Variants in POU6F2 observed in about 807,000 individuals in gnomAD.
The protein encoded by POU6F2 is POU domain, class 6, transcription factor 2.
In POU6F2, 31 loss-of-function variants were observed where a neutral mutation model predicts 71.3. That is an observed-to-expected ratio of 0.43 (90% CI 0.33 to 0.59). POU6F2 has a LOEUF of 0.59. Among genes scored for constraint, POU6F2 ranks in the 20% least tolerant of loss-of-function variants. The probability of loss-of-function intolerance (pLI) is 0.04; values close to 1 mark genes in which losing one functional copy is unlikely to be tolerated. For missense variants in POU6F2, 783 were observed against 856.8 expected, an observed-to-expected ratio of 0.91 and a Z score of 1.07; for synonymous variants, 347 against 355.7, an observed-to-expected ratio of 0.98 and a Z score of 0.27.
intron 4 of POU6F2, among the ~76,000 whole-genome samples, chr7:39,323,624 T>C (rs1201219843): frequency 6.6e-6 from 1 of 152,212 alleles, no homozygotes; most frequent in Non-Finnish European, 1.5e-5. Flanking sequence ...CTGAGCACTA[T>C]GGTTTAATTC....
chr7:38,985,314 T>G (rs2116603432), intron 1 of POU6F2, among the ~76,000 whole-genome samples: 1 of 152,226 alleles, frequency 6.6e-6, no homozygotes, highest in Non-Finnish European at 1.5e-5. Flanking sequence ...AAATGCTGCT[T>G]AATGGGCACA....
chr7:39,373,535 A>G, intron 5 of POU6F2: 1 of 456,706 alleles, frequency 2.2e-6, no homozygotes, highest in Non-Finnish European at 4.4e-6. Flanking sequence ...AGAATTTGGT[A>G]CTTCACTTCA....
intron 2 of POU6F2, among the ~76,000 whole-genome samples, chr7:39,126,319 G>A (rs1792137050): frequency 6.6e-6 from 1 of 152,234 alleles, no homozygotes; most frequent in African/African-American, 2.4e-5. Context: ...GCCACCACTT[G>A]GAGGGCAGGG....
intron 1 of POU6F2, among the ~76,000 whole-genome samples, chr7:39,005,484 C>CTGTGTGAGTGTGTGTGTGTGTGTG (rs1789033996): frequency 7.9e-6 from 1 of 126,610 alleles, no homozygotes; most frequent in Non-Finnish European, 1.7e-5. Context: ...AGGGAGAAAC[C>CTGTGTGAGTGTGTGTGTGTGTGTG]TGTGTGTGTG....
At chr7:39,188,509 C>T (rs919279259) in intron 2 of POU6F2, among the ~76,000 whole-genome samples, 7 of 152,098 alleles carry the variant, frequency 4.6e-5, no homozygotes, top group African/African-American at 1.7e-4. Flanking sequence ...AACAGGGTTT[C>T]GCCATGTTGC....
intron 4 of POU6F2, among the ~76,000 whole-genome samples, chr7:39,219,774 C>T (rs1481077604): frequency 6.6e-6 from 1 of 152,008 alleles, no homozygotes; most frequent in Non-Finnish European, 1.5e-5. Context: ...TTAGGATTAG[C>T]GCAAATATAC....
chr7:39,128,378 C>T (rs1401623903), intron 2 of POU6F2, among the ~76,000 whole-genome samples: 1 of 152,112 alleles, frequency 6.6e-6, no homozygotes, highest in East Asian at 1.9e-4. Context: ...ATCTGCCTCC[C>T]AAATGTACAG....
intron 1 of POU6F2, among the ~76,000 whole-genome samples, chr7:39,019,649 C>CTTT (rs70977448): frequency 7.3e-6 from 1 of 137,796 alleles, no homozygotes; most frequent in African/African-American, 2.7e-5. Flanking sequence ...TTTCTTTTTT[C>CTTT]TTTTTTTTTT....
intron 4 of POU6F2, among the ~76,000 whole-genome samples, chr7:39,297,173 G>A (rs1480900379): frequency 7.6e-6 from 1 of 132,400 alleles, no homozygotes; most frequent in East Asian, 2.1e-4. Flanking sequence ...TTTAATAGGG[G>A]TGTTTACAAA....
At chr7:39,355,569 G>C (rs1301809179) in intron 5 of POU6F2, among the ~76,000 whole-genome samples, 1 of 152,030 alleles carries the variant, frequency 6.6e-6, no homozygotes, top group African/African-American at 2.4e-5. Flanking sequence ...CCAGGAAGCA[G>C]GTATATCAGT....
intron 2 of POU6F2, among the ~76,000 whole-genome samples, chr7:39,169,092 A>G (rs1012541138): frequency 2.6e-5 from 4 of 152,218 alleles, no homozygotes; most frequent in African/African-American, 7.2e-5. Flanking sequence ...ATAGTATTCT[A>G]TGACAAATTC....
intron 7 of POU6F2, among the ~76,000 whole-genome samples, chr7:39,437,037 G>A (rs1050746110): frequency 6.6e-6 from 1 of 152,152 alleles, no homozygotes; most frequent in Non-Finnish European, 1.5e-5. Flanking sequence ...ATTTTATTGA[G>A]GATTTTTGCA....
intron 2 of POU6F2, among the ~76,000 whole-genome samples, 177 bp from the exon 3 acceptor site, chr7:39,204,057 CT>C (rs1793958619): frequency 6.6e-6 from 1 of 152,158 alleles, no homozygotes; most frequent in Admixed American, 6.5e-5. Flanking sequence ...TCTTCTACCT[CT>C]TGATGAACTT....
intron 2 of POU6F2, among the ~76,000 whole-genome samples, chr7:39,124,182 G>A (rs573922356): frequency 6.6e-6 from 1 of 152,072 alleles, no homozygotes. Context: ...GAGTAGCTGG[G>A]ATTACAGGCG....
In POU6F2 at chr7:39,125,956, A is replaced by T. The variant is rs139429538; in HGVS notation, c.277+39925A>T. ...AATTCCTTAAGGACCAAAGACTCCC[A>T]CTGGTTCCAATCTCCTGAATGGTGC... On this transcript the variant is annotated intron_variant, in intron 2 of 9. Transcript: ENST00000518318. 6.6e-4 allele frequency among the ~76,000 whole-genome samples: 101 copies of T among 152,338 alleles called. 1 individual carries two copies. Among genetic ancestry groups the T allele is most frequent in the African/African-American group, 2.3e-3 (95 of 41,578 alleles).
At chr7:39,406,262 A>T in intron 5 of POU6F2, 1 of 235,000 alleles carries the variant, frequency 4.3e-6, no homozygotes, top group Non-Finnish European at 8.4e-6. Context: ...ATATTTCCTG[A>T]GTTTTATTTA....
intron 2 of POU6F2, among the ~76,000 whole-genome samples, chr7:39,148,149 A>G (rs1176934699): frequency 6.6e-6 from 1 of 152,212 alleles, no homozygotes; most frequent in Non-Finnish European, 1.5e-5. Context: ...CAGAACAGAA[A>G]GGAATTTTCA....
At chr7:39,063,783 A>T (rs936421820) in intron 1 of POU6F2, among the ~76,000 whole-genome samples, 3 of 151,956 alleles carry the variant, frequency 2.0e-5, no homozygotes, top group Admixed American at 6.6e-5. Context: ...GAAAAAAAAT[A>T]TTATTTGTAA....
intron 6 of POU6F2, among the ~76,000 whole-genome samples, chr7:39,424,396 G>A (rs10269280): frequency 0.3 from 45,101 of 152,012 alleles, 7,113 homozygotes; most frequent in East Asian, 0.54. Context: ...AAAAAGTACC[G>A]TAGAGAAATC....
Sources: allele counts gnomAD v4.1 joint callset (sites outside exome capture counted in the v4.1 genomes callset), GRCh38; gene constraint gnomAD v4.1.1; transcripts MANE v1.5; gene names NCBI Gene and HGNC (gene_info 2026-07-23, HGNC 2026-07-21).